Variants in PCSK2 observed in about 807,000 individuals in gnomAD.
The protein encoded by PCSK2 is proprotein convertase subtilisin/kexin type 2.
PCSK2 carries 14 observed loss-of-function variants against 69.7 expected under a neutral mutation model. The observed-to-expected ratio is 0.20, with a 90% CI of 0.13 to 0.31. The LOEUF is 0.31. Ranked by LOEUF, PCSK2 falls within the 10% of genes least tolerant of loss-of-function variation. The probability of loss-of-function intolerance (pLI) is 1.00; values close to 1 mark genes in which losing one functional copy is unlikely to be tolerated. For synonymous variants in PCSK2, 307 were observed against 320.7 expected (o/e 0.96, Z 0.46); for missense variants, 544 against 842.5 (o/e 0.65, Z 4.39).
chr20:17,255,221 A>G (rs1987130345), intron 1 of PCSK2, among the ~76,000 whole-genome samples: 1 of 152,264 alleles, frequency 6.6e-6, no homozygotes, highest in South Asian at 2.1e-4. Context: ...TGGCAAGAGC[A>G]GATAACTTTG....
intron 9 of PCSK2, among the ~76,000 whole-genome samples, chr20:17,454,523 G>A (rs1292693762): frequency 1.3e-5 from 2 of 151,946 alleles, no homozygotes; most frequent in African/African-American, 4.8e-5. Context: ...CAGATTTATT[G>A]TTTGTTGCTC....
chr20:17,285,160 C>A (rs1049875953), intron 2 of PCSK2, among the ~76,000 whole-genome samples: 1 of 152,112 alleles, frequency 6.6e-6, no homozygotes, highest in Non-Finnish European at 1.5e-5. Context: ...TTCTTCTTAA[C>A]CCTGTGAGGA....
intron 2 of PCSK2, among the ~76,000 whole-genome samples, chr20:17,350,962 C>A (rs1256463296): frequency 1.3e-5 from 2 of 150,556 alleles, no homozygotes; most frequent in Non-Finnish European, 2.9e-5. Context: ...ATCGCTTGAA[C>A]CTGGGAGTCG....
chr20:17,354,261 C>T (rs775633692), intron 2 of PCSK2, among the ~76,000 whole-genome samples: 4 of 152,276 alleles, frequency 2.6e-5, no homozygotes, highest in Non-Finnish European at 4.4e-5. Context: ...TGTAAGCCAA[C>T]GGTCCTATTT....
chr20:17,276,445 A>AACACACACACAC lies in PCSK2; in HGVS notation c.282+16125_282+16136dup, dbSNP rs58766799. ...AAGATGAGATTTAACTTTTAAATTC[A>AACACACACACAC]ACACACACACACACACACACACACA... On this transcript the variant is annotated intron_variant, in intron 2 of 11. Transcript: ENST00000262545. Among the ~76,000 whole-genome samples, 292 of 146,968 alleles carry AACACACACACAC rather than the reference A, an allele frequency of 2.0e-3. 1 individual carries two copies. Among genetic ancestry groups the AACACACACACAC allele is most frequent in the African/African-American group, 2.7e-3 (107 of 39,902 alleles).
chr20:17,450,581 G>T (rs2032803939), intron 8 of PCSK2, among the ~76,000 whole-genome samples: 1 of 152,194 alleles, frequency 6.6e-6, no homozygotes, highest in African/African-American at 2.4e-5. Context: ...AAGCTGAGAG[G>T]CAGAAATGGA....
chr20:17,418,240 G>A (rs998327742), intron 6 of PCSK2, among the ~76,000 whole-genome samples: 7 of 152,194 alleles, frequency 4.6e-5, no homozygotes, highest in African/African-American at 1.2e-4. Flanking sequence ...TGGAAACTGA[G>A]GCACAGAGAG....
intron 5 of PCSK2, among the ~76,000 whole-genome samples, chr20:17,395,851 A>C (rs1439877710): frequency 1.3e-5 from 2 of 152,208 alleles, no homozygotes; most frequent in South Asian, 2.1e-4. Context: ...TGACTCAGCT[A>C]TCAGTGAACT....
intron 6 of PCSK2, among the ~76,000 whole-genome samples, chr20:17,410,273 C>A (rs571221189): frequency 6.6e-6 from 1 of 152,250 alleles, no homozygotes; most frequent in East Asian, 1.9e-4. Context: ...CAAGATTAGC[C>A]CCATGCTTCA....
chr20:17,404,548 A>G (rs532345276), intron 5 of PCSK2, among the ~76,000 whole-genome samples: 1 of 152,320 alleles, frequency 6.6e-6, no homozygotes, highest in African/African-American at 2.4e-5. Flanking sequence ...GCTGGGGCTC[A>G]GTATCTGCCT....
At chr20:17,267,336 G>A (rs1427166793) in intron 2 of PCSK2, among the ~76,000 whole-genome samples, 1 of 152,222 alleles carries the variant, frequency 6.6e-6, no homozygotes, top group African/African-American at 2.4e-5. Context: ...AGTGATGCAA[G>A]TTGAGAGTTA....
intron 1 of PCSK2, among the ~76,000 whole-genome samples, chr20:17,250,227 T>C (rs1986923123): frequency 6.6e-6 from 1 of 152,212 alleles, no homozygotes; most frequent in Non-Finnish European, 1.5e-5. Flanking sequence ...CAAAATATGA[T>C]TATATTTAAT....
chr20:17,385,541 G>T (rs1411572914), intron 5 of PCSK2, among the ~76,000 whole-genome samples: 1 of 152,208 alleles, frequency 6.6e-6, no homozygotes, highest in African/African-American at 2.4e-5. Context: ...GAGAATGACA[G>T]ACATTAAGTC....
intron 2 of PCSK2, among the ~76,000 whole-genome samples, chr20:17,279,337 A>G (rs550543978): frequency 6.6e-6 from 1 of 152,332 alleles, no homozygotes; most frequent in African/African-American, 2.4e-5. Context: ...TGGGAGGTCA[A>G]GATCATTCTA....
At chr20:17,359,659 G>A (rs993383223) in intron 3 of PCSK2, among the ~76,000 whole-genome samples, 2 of 152,234 alleles carry the variant, frequency 1.3e-5, no homozygotes, top group African/African-American at 4.8e-5. Flanking sequence ...GGAGAGGTGT[G>A]TAGTCTTAAC....
Position 17,289,773 on chromosome 20 carries a change from A to G in PCSK2, c.282+29429A>G, listed in dbSNP as rs1988635042. On this transcript the variant is annotated intron_variant, in intron 2 of 11. Coordinates refer to ENST00000262545, the MANE Select transcript of PCSK2 (RefSeq NM_002594.5). The stretch of plus-strand genomic sequence containing the variant: ...TGTTTGTTTTACTTTCCTTTATAAT[A>G]TAGCTTTTGAAAGCTGCAATGTTTT... 2.0e-5 allele frequency among the ~76,000 whole-genome samples: 3 copies of G among 152,168 alleles called. No homozygotes were observed. In the South Asian group the frequency reaches 6.2e-4, roughly 31 times the overall value.
intron 2 of PCSK2, among the ~76,000 whole-genome samples, chr20:17,325,264 A>G (rs553038188): frequency 6.6e-6 from 1 of 152,264 alleles, no homozygotes; most frequent in Admixed American, 6.5e-5. Flanking sequence ...GTACCAAATA[A>G]ATAGCTGTTG....
intron 6 of PCSK2, among the ~76,000 whole-genome samples, chr20:17,427,242 G>T (rs1468808300): frequency 4.6e-5 from 7 of 152,142 alleles, no homozygotes; most frequent in South Asian, 4.1e-4. Context: ...CATATTGCTG[G>T]ATATATCTAA....
At chr20:17,443,330 A>G (rs1317069183) in intron 8 of PCSK2, among the ~76,000 whole-genome samples, 1 of 152,210 alleles carries the variant, frequency 6.6e-6, no homozygotes, top group Non-Finnish European at 1.5e-5. Context: ...ATGTCTGCCA[A>G]CAGGATCGGG....
Sources: allele counts gnomAD v4.1 joint callset (sites outside exome capture counted in the v4.1 genomes callset), GRCh38; gene constraint gnomAD v4.1.1; transcripts MANE v1.5; gene names NCBI Gene and HGNC (gene_info 2026-07-23, HGNC 2026-07-21).